TMEM132C: variants seen among roughly 807,000 people sequenced by gnomAD.
TMEM132C encodes the protein protein phosphatase 1, regulatory subunit 152.
Under a neutral mutation model 61.4 loss-of-function variants are expected in TMEM132C, and 29 were observed. The ratio of observed to expected loss-of-function variants is 0.47; its 90% CI spans 0.35 to 0.64. TMEM132C has a LOEUF of 0.64. Among genes scored for constraint, TMEM132C ranks in the 30% least tolerant of loss-of-function variants. The pLI is 0.00. For missense variants in TMEM132C, 1,408 were observed against 1,476.9 expected (o/e 0.95, Z 0.76); for synonymous variants, 656 against 633.1 (o/e 1.04, Z -0.54).
At chr12:128,503,552 A>G (rs11059726) in intron 2 of TMEM132C, among the ~76,000 whole-genome samples, 9,199 of 152,250 alleles carry the variant, frequency 0.06, 440 homozygotes, top group African/African-American at 0.14. Flanking sequence ...ACTTTTTCCT[A>G]TTGGCATAAT....
At chr12:128,529,117 GT>G (rs1414022098) in intron 2 of TMEM132C, among the ~76,000 whole-genome samples, 4 of 151,586 alleles carry the variant, frequency 2.6e-5, no homozygotes, top group African/African-American at 4.8e-5. Context: ...TCTCAGAAAT[GT>G]TTTAATATAA....
chr12:128,529,256 C>G (rs1379319634), intron 2 of TMEM132C, among the ~76,000 whole-genome samples: 1 of 137,492 alleles, frequency 7.3e-6, no homozygotes, highest in Non-Finnish European at 1.5e-5. Flanking sequence ...ACACAGAGTA[C>G]CCCCCATCAG....
Position 128,391,140 on chromosome 12 carries a change from CT to C in TMEM132C, c.86-23591del, listed in dbSNP as rs1336786305. Reference sequence around the variant, plus strand: ...TAATGGAGGGACTCCTGCAGTCACCCTCCCTCCAAGTGGTGGCCATACAGTA... The same window carrying C: ...TAATGGAGGGACTCCTGCAGTCACCCCCCTCCAAGTGGTGGCCATACAGTA... On this transcript the variant is annotated intron_variant, in intron 1 of 8. Transcript: ENST00000435159. Among the ~76,000 whole-genome samples, 13 of 152,306 alleles carry C rather than the reference CT, an allele frequency of 8.5e-5. No homozygotes were observed. The South Asian group carries it at 2.7e-3, about 32-fold the overall frequency.
At chr12:128,329,638 G>C (rs76426150) in intron 1 of TMEM132C, among the ~76,000 whole-genome samples, 4,639 of 152,226 alleles carry the variant, frequency 0.03, 245 homozygotes, top group African/African-American at 0.11. Context: ...TTGATCAGAA[G>C]ATGGTATGCG....
chr12:128,584,589 G>A (rs1593109063), intron 3 of TMEM132C, among the ~76,000 whole-genome samples: 1 of 152,148 alleles, frequency 6.6e-6, no homozygotes, highest in African/African-American at 2.4e-5. Flanking sequence ...TGTGTAACAG[G>A]CATCCCCAAC....
chr12:128,698,144 C>A (rs547120656), intron 8 of TMEM132C, among the ~76,000 whole-genome samples: 46 of 118,822 alleles, frequency 3.9e-4, no homozygotes, highest in African/African-American at 1.2e-3. Flanking sequence ...TGTAGGTGCT[C>A]AATAAATGTT....
rs1397476354 is a variant in TMEM132C at position 128,544,189 on chromosome 12, G to A, written c.1121+86G>A. The stretch of plus-strand genomic sequence containing the variant: ...TGCGTAAGAGCCTTGACTTGGACTC[G>A]CGTGAGCGGCTGCTCAGAGGAGCTA... On this transcript the variant is annotated intron_variant, in intron 3 of 8. Coordinates refer to ENST00000435159, the MANE Select transcript of TMEM132C (RefSeq NM_001136103.3). 11 of 1,425,298 alleles carry A rather than the reference G, an allele frequency of 7.7e-6. 1 individual carries two copies. Among genetic ancestry groups the A allele is most frequent in the Admixed American group, 6.1e-5 (2 of 32,938 alleles). 88.3% of individuals were successfully genotyped at this position (1,425,298 alleles called of 1,614,324 possible).
intron 4 of TMEM132C, among the ~76,000 whole-genome samples, chr12:128,663,852 GCAGGCACT>G (rs1954421443): frequency 6.7e-6 from 1 of 149,962 alleles, no homozygotes; most frequent in African/African-American, 2.5e-5. Flanking sequence ...ATGCACGCAC[GCAGGCACT>G]CACACAGGCA....
intron 1 of TMEM132C, among the ~76,000 whole-genome samples, chr12:128,344,319 G>A (rs562870388): frequency 4.6e-5 from 7 of 152,034 alleles, no homozygotes; most frequent in African/African-American, 1.7e-4. Flanking sequence ...CACCACATCC[G>A]GCTAATTTTT....
At chr12:128,344,666 C>A (rs1283403523) in intron 1 of TMEM132C, among the ~76,000 whole-genome samples, 2 of 152,196 alleles carry the variant, frequency 1.3e-5, no homozygotes, top group African/African-American at 4.8e-5. Context: ...TCATCTTGTT[C>A]TGTTTGCAGT....
rs143550332 is a variant in TMEM132C, at chr12:128,321,064, A to G, written c.85+53577A>G. Among the ~76,000 whole-genome samples the G allele has an allele frequency of 4.6e-4, 70 of 151,244 alleles. 1 individual carries two copies. The East Asian group carries it at 0.012, about 26-fold the overall frequency. ...ACTCACAAAACCTGGCTTGTAAACC[A>G]TTAACACTAAAGAGGAGCCCAGCCA... On this transcript the variant is annotated intron_variant, in intron 1 of 8. Transcript: ENST00000435159.
At chr12:128,312,862 G>C (rs962235242) in intron 1 of TMEM132C, among the ~76,000 whole-genome samples, 1 of 152,232 alleles carries the variant, frequency 6.6e-6, no homozygotes, top group Non-Finnish European at 1.5e-5. Context: ...TGAAATCAAT[G>C]ATGGTTTCCA....
intron 4 of TMEM132C, among the ~76,000 whole-genome samples, chr12:128,645,285 C>T (rs1041949990): frequency 6.6e-6 from 1 of 152,156 alleles, no homozygotes; most frequent in Non-Finnish European, 1.5e-5. Flanking sequence ...GGGATGGGCA[C>T]CACCCAGGCT....
At chr12:128,502,126 G>T (rs1391828073) in intron 2 of TMEM132C, among the ~76,000 whole-genome samples, 1 of 152,234 alleles carries the variant, frequency 6.6e-6, no homozygotes, top group Non-Finnish European at 1.5e-5. Context: ...TGCAGCCAGG[G>T]TTGGCACTGC....
At chr12:128,484,104 C>T (rs1171557381) in intron 2 of TMEM132C, among the ~76,000 whole-genome samples, 6 of 152,142 alleles carry the variant, frequency 3.9e-5, no homozygotes, top group African/African-American at 1.4e-4. Context: ...TAAAGCCGGG[C>T]TTTGGTTTTC....
chr12:128,276,771 A>G (rs559282864), intron 1 of TMEM132C, among the ~76,000 whole-genome samples: 104 of 152,258 alleles, frequency 6.8e-4, no homozygotes, highest in African/African-American at 2.3e-3. Flanking sequence ...CCACTTTGGC[A>G]CGCGGTATTC....
At chr12:128,273,734 T>G (rs1481518875) in intron 1 of TMEM132C, among the ~76,000 whole-genome samples, 1 of 152,212 alleles carries the variant, frequency 6.6e-6, no homozygotes, top group African/African-American at 2.4e-5. Flanking sequence ...GCTTACAAAA[T>G]ACAATTTTAA....
intron 4 of TMEM132C, among the ~76,000 whole-genome samples, chr12:128,665,100 G>A (rs1954443309): frequency 7.7e-6 from 1 of 129,224 alleles, no homozygotes; most frequent in Non-Finnish European, 1.6e-5. Context: ...CACATACACA[G>A]GCACACACAC....
intron 2 of TMEM132C, among the ~76,000 whole-genome samples, chr12:128,434,383 C>G (rs868134248): frequency 9.2e-5 from 14 of 152,274 alleles, no homozygotes; most frequent in Middle Eastern, 3.4e-3. Context: ...TCCCTGCAAC[C>G]TCTGCCTCCC....
Sources: gnomAD v4.1 joint callset for allele counts (sites outside exome capture counted in the v4.1 genomes callset) on GRCh38, gnomAD v4.1.1 for gene constraint, MANE v1.5 for transcripts, NCBI Gene and HGNC (gene_info 2026-07-23, HGNC 2026-07-21) for gene names.